Variants in CSMD1 observed in about 807,000 individuals in gnomAD.
The protein encoded by CSMD1 is CUB and sushi domain-containing protein 1.
Under a neutral mutation model 417.5 loss-of-function variants are expected in CSMD1, and 213 were observed. The observed-to-expected ratio is 0.51, with a 90% CI of 0.46 to 0.57. The LOEUF (loss-of-function observed/expected upper bound fraction) is 0.57, where lower values mean the gene tolerates loss of function less well. Ranked by LOEUF, CSMD1 falls within the 20% of genes least tolerant of loss-of-function variation. The pLI, the probability that CSMD1 is intolerant of heterozygous loss-of-function variation, is 0.00. For synonymous variants in CSMD1, 2,862 were observed against 1,736.8 expected (o/e 1.65, Z -16.11); for missense variants, 6,923 against 4,529.7 (o/e 1.53, Z -15.17).
At chr8:3,390,394 G>C (rs1168272103) in intron 17 of CSMD1, among the ~76,000 whole-genome samples, 1 of 149,040 alleles carries the variant, frequency 6.7e-6, no homozygotes, top group Non-Finnish European at 1.5e-5. Flanking sequence ...TTTTGTAGCA[G>C]GTGATTTATC....
At chr8:3,623,995 A>C (rs1796378288) in intron 7 of CSMD1, among the ~76,000 whole-genome samples, 1 of 152,090 alleles carries the variant, frequency 6.6e-6, no homozygotes, top group Non-Finnish European at 1.5e-5. Context: ...ACAAAACAAA[A>C]AAAAAACCTT....
intron 2 of CSMD1, among the ~76,000 whole-genome samples, chr8:4,564,576 T>C (rs1798504071): frequency 6.6e-6 from 1 of 152,164 alleles, no homozygotes; most frequent in East Asian, 1.9e-4. Flanking sequence ...ATACTGATAA[T>C]CAATACAGAG....
intron 4 of CSMD1, among the ~76,000 whole-genome samples, chr8:4,016,651 G>A (rs764261164): frequency 1.3e-5 from 2 of 152,170 alleles, no homozygotes; most frequent in South Asian, 4.1e-4. Flanking sequence ...GTCTTCTACA[G>A]GTTTGTCTTA....
chr8:4,880,875 G>C (rs1284911875), intron 1 of CSMD1, among the ~76,000 whole-genome samples: 1 of 152,028 alleles, frequency 6.6e-6, no homozygotes, highest in Non-Finnish European at 1.5e-5. Flanking sequence ...TATTATTCAT[G>C]CTTTATAGAA....
At chr8:4,803,424 G>C (rs1030433777) in intron 1 of CSMD1, among the ~76,000 whole-genome samples, 4 of 152,168 alleles carry the variant, frequency 2.6e-5, no homozygotes, top group African/African-American at 9.6e-5. Context: ...TTTGTCTCTT[G>C]TCTCTTTTAT....
rs143618167 is a variant in CSMD1, at chr8:3,519,838, A to G, written c.1345-26112T>C. Among the ~76,000 whole-genome samples, 167 of 152,248 alleles carry G rather than the reference A, an allele frequency of 1.1e-3. 1 individual carries two copies. The highest frequency in any genetic ancestry group is 3.8e-3 in the African/African-American group (159 of 41,536). The stretch of plus-strand genomic sequence containing the variant: ...TGTTACCTCTTCTTACCATGGTATC[A>G]ACCATCCCATCAACCTCCCACTAAA... On this transcript the variant is annotated intron_variant, in intron 10 of 69. Coordinates refer to ENST00000635120, the MANE Select transcript of CSMD1 (RefSeq NM_033225.6).
At chr8:4,046,952 C>T (rs1319863636) in intron 3 of CSMD1, among the ~76,000 whole-genome samples, 1 of 152,152 alleles carries the variant, frequency 6.6e-6, no homozygotes, top group South Asian at 2.1e-4. Context: ...CTAACTCCAC[C>T]TTTGTCTCAG....
rs1365616429 is a variant in CSMD1 at position 3,435,493 on chromosome 8, G to T, written c.1562-25888C>A. Among the ~76,000 whole-genome samples, 2 of 151,934 alleles carry T rather than the reference G, an allele frequency of 1.3e-5. 1 individual carries two copies. The highest frequency in any genetic ancestry group is 4.2e-4 in the South Asian group (2 of 4,814). ...CTGTCCAATCCTTTCAGGCTTTTGG[G>T]CATTCCTGAAGCCCACTCTGTCCAC... On this transcript the variant is annotated intron_variant, in intron 12 of 69. Transcript: ENST00000635120.
chr8:3,277,296 G>C (rs1320475888), intron 26 of CSMD1, among the ~76,000 whole-genome samples: 1 of 152,148 alleles, frequency 6.6e-6, no homozygotes, highest in African/African-American at 2.4e-5. Flanking sequence ...CTAAGCAGAA[G>C]TGAGGCGTTG....
At chr8:3,337,985 G>C (rs980082364) in intron 23 of CSMD1, among the ~76,000 whole-genome samples, 1 of 152,262 alleles carries the variant, frequency 6.6e-6, no homozygotes, top group East Asian at 1.9e-4. Context: ...CTGAACAGTA[G>C]ACACTTCTCT....
chr8:3,739,523 A>G (rs1161372050), intron 6 of CSMD1, among the ~76,000 whole-genome samples: 1 of 152,222 alleles, frequency 6.6e-6, no homozygotes, highest in Non-Finnish European at 1.5e-5. Context: ...ACAAATATGT[A>G]TAATTATTAC....
chr8:4,232,871 T>C (rs1049472682), intron 3 of CSMD1, among the ~76,000 whole-genome samples: 1 of 152,156 alleles, frequency 6.6e-6, no homozygotes, highest in African/African-American at 2.4e-5. Flanking sequence ...GGGGCAACAA[T>C]CTTGAATAAG....
At chr8:3,248,882 T>G (rs1207456390) in intron 26 of CSMD1, among the ~76,000 whole-genome samples, 2 of 152,064 alleles carry the variant, frequency 1.3e-5, no homozygotes, top group Non-Finnish European at 2.9e-5. Context: ...GGTCCTTGAT[T>G]CCCGCAGCTC....
intron 23 of CSMD1, among the ~76,000 whole-genome samples, chr8:3,331,074 T>G (rs1478893221): frequency 1.3e-5 from 2 of 151,860 alleles, no homozygotes; most frequent in African/African-American, 4.8e-5. Flanking sequence ...CCATCTCTAC[T>G]AAAAATACAA....
intron 3 of CSMD1, among the ~76,000 whole-genome samples, chr8:4,063,192 T>C (rs1438722129): frequency 6.6e-6 from 1 of 152,158 alleles, no homozygotes; most frequent in South Asian, 2.1e-4. Context: ...ATATCATAAT[T>C]ATCCTGATTT....
chr8:4,610,482 C>G (rs1801112670), intron 2 of CSMD1, among the ~76,000 whole-genome samples: 1 of 152,170 alleles, frequency 6.6e-6, no homozygotes, highest in Admixed American at 6.5e-5. Flanking sequence ...AGAACCCAAG[C>G]TGAGACTCCA....
intron 12 of CSMD1, among the ~76,000 whole-genome samples, chr8:3,425,419 C>G (rs997992895): frequency 6.6e-6 from 1 of 151,800 alleles, no homozygotes; most frequent in Non-Finnish European, 1.5e-5. Flanking sequence ...GAAACCCTGT[C>G]TCTACTAAAA....
At chr8:4,945,834 G>T (rs1563835721) in intron 1 of CSMD1, among the ~76,000 whole-genome samples, 1 of 152,114 alleles carries the variant, frequency 6.6e-6, no homozygotes, top group Non-Finnish European at 1.5e-5. Flanking sequence ...AGAGTCCAAG[G>T]TCACGCCTTG....
chr8:4,081,814 T>C (rs1056686083), intron 3 of CSMD1, among the ~76,000 whole-genome samples: 2 of 151,274 alleles, frequency 1.3e-5, no homozygotes, highest in Non-Finnish European at 2.9e-5. Flanking sequence ...ATCAAATAAA[T>C]TGTTACAAAT....
Sources: gnomAD v4.1 joint callset for allele counts (sites outside exome capture counted in the v4.1 genomes callset) on GRCh38, gnomAD v4.1.1 for gene constraint, MANE v1.5 for transcripts, NCBI Gene and HGNC (gene_info 2026-07-23, HGNC 2026-07-21) for gene names.